Variants in SH2D4B observed in about 807,000 individuals in gnomAD.
SH2D4B encodes SH2 domain containing 4B.
SH2D4B carries 45 observed loss-of-function variants against 61.5 expected under a neutral mutation model. The observed-to-expected ratio is 0.73, with a 90% confidence interval of 0.58 to 0.94. The LOEUF (loss-of-function observed/expected upper bound fraction) is 0.94, where lower values mean the gene tolerates loss of function less well. Among genes scored for constraint, SH2D4B ranks in the 40% least tolerant of loss-of-function variants. The pLI is 0.00. For missense variants in SH2D4B, 572 were observed against 574.2 expected, an observed-to-expected ratio of 1.00 and a Z score of 0.04; for synonymous variants, 224 against 220.4, an observed-to-expected ratio of 1.02 and a Z score of -0.14.
chr10:80,602,469 T>A lies in SH2D4B; in HGVS notation c.644-1110T>A, dbSNP rs531529873. Among the ~76,000 whole-genome samples, 12 of 152,054 alleles carry A rather than the reference T, an allele frequency of 7.9e-5. No homozygotes were observed. In the East Asian group the frequency reaches 2.1e-3, roughly 27 times the overall value. ...CAGAGTGAGACCTTATCTCAAAAAA[T>A]GAATATATACACATCTATTAATATA... On this transcript the variant is annotated intron_variant, in intron 4 of 7. Transcript: ENST00000646907.
In SH2D4B at chr10:80,538,423, T is replaced by C. The variant is rs1260935569; in HGVS notation, c.92T>C (p.Met31Thr). Residue 31 changes from methionine to threonine, a missense_variant, in exon 1 of 8, where the codon ATG becomes ACG. Transcript: ENST00000646907. The surrounding 1 kb of genome is among the most constrained non-coding windows in gnomAD (Gnocchi z 4.8). The stretch of plus-strand genomic sequence containing the variant: ...CAGAAGCACATCCTCTTCTACAAAA[T>C]GCGGGAGGAGCAGCTGAGGCGCTGG... ...DVQKHILFYKMREEQLRRWKE... is the reference protein window; with the variant it reads ...DVQKHILFYKTREEQLRRWKE... 33 of 1,494,258 alleles carry C rather than the reference T, an allele frequency of 2.2e-5. No homozygotes were observed. Among genetic ancestry groups the C allele is most frequent in the Non-Finnish European group, 2.9e-5 (32 of 1,119,792 alleles). 92.6% of individuals were successfully genotyped at this position (1,494,258 alleles called of 1,614,324 possible).
chr10:80,600,150 A>G (rs1589351561), intron 4 of SH2D4B, among the ~76,000 whole-genome samples: 1 of 152,224 alleles, frequency 6.6e-6, no homozygotes, highest in South Asian at 2.1e-4. Flanking sequence ...GAAGGTGTAG[A>G]TAAGGTAATT....
At chr10:80,636,511 C>T (rs1840171145) in intron 7 of SH2D4B, among the ~76,000 whole-genome samples, 1 of 152,208 alleles carries the variant, frequency 6.6e-6, no homozygotes, top group Non-Finnish European at 1.5e-5. Context: ...GAGATGGTAT[C>T]TCATTGTGGT....
chr10:80,608,924 G>C (rs1414944671), intron 5 of SH2D4B, among the ~76,000 whole-genome samples: 12 of 152,140 alleles, frequency 7.9e-5, no homozygotes. Flanking sequence ...AGGGCGGGGA[G>C]GGAGAGCTAA....
chr10:80,544,362 C>T (rs1043354447), intron 1 of SH2D4B, among the ~76,000 whole-genome samples: 15 of 152,182 alleles, frequency 9.9e-5, no homozygotes, highest in African/African-American at 2.2e-4. Flanking sequence ...GAACAAACTC[C>T]GGATACACCG....
At position 80,556,029 on chromosome 10, in the gene SH2D4B, G is replaced by A. The variant is rs77743689; in HGVS notation, c.185-14125G>A. Among the ~76,000 whole-genome samples, 1,064 of 152,270 alleles carry A rather than the reference G, an allele frequency of 7.0e-3. 11 individuals are homozygous for A. The highest frequency in any genetic ancestry group is 0.025 in the African/African-American group (1,028 of 41,554). ...TTTCCAGCATTGTTAAGTGGAAAGT[G>A]CCTTTTTATTTGCAGGGAAATCTGA... On this transcript the variant is annotated intron_variant, in intron 1 of 7. Transcript: ENST00000646907.
intron 6 of SH2D4B, among the ~76,000 whole-genome samples, chr10:80,621,916 T>C (rs1842720188): frequency 6.6e-6 from 1 of 152,098 alleles, no homozygotes; most frequent in South Asian, 2.1e-4. Flanking sequence ...AGAGATGGGG[T>C]TTCACCATGT....
chr10:80,574,261 C>T (rs532901434), intron 3 of SH2D4B, among the ~76,000 whole-genome samples: 9 of 152,296 alleles, frequency 5.9e-5, no homozygotes, highest in Non-Finnish European at 1.3e-4. Flanking sequence ...CTCAGCCTCC[C>T]AAGTAGCTGG....
chr10:80,638,913 G>A (rs1215377529), intron 7 of SH2D4B, among the ~76,000 whole-genome samples: 1 of 152,158 alleles, frequency 6.6e-6, no homozygotes, highest in Non-Finnish European at 1.5e-5. Context: ...GCTTTCTCTT[G>A]TGGGCATTTA....
At chr10:80,576,669 C>A (rs147415622) in intron 3 of SH2D4B, among the ~76,000 whole-genome samples, 2 of 152,246 alleles carry the variant, frequency 1.3e-5, no homozygotes, top group East Asian at 1.9e-4. Context: ...TGCCCCTCCT[C>A]CCTTTGAGAG....
intron 1 of SH2D4B, among the ~76,000 whole-genome samples, chr10:80,561,646 A>C (rs1841903389): frequency 6.6e-6 from 1 of 152,174 alleles, no homozygotes; most frequent in South Asian, 2.1e-4. Flanking sequence ...GCTTCCTTTT[A>C]TGGTAACATG....
chr10:80,562,894 C>CTTTTTTTTTTTTT (rs34539206), intron 1 of SH2D4B, among the ~76,000 whole-genome samples: 4 of 74,696 alleles, frequency 5.4e-5, no homozygotes, highest in Admixed American at 2.0e-4. Flanking sequence ...AACATTTTTT[C>CTTTTTTTTTTTTT]TTTTTTTTTT....
At chr10:80,625,007 T>A (rs1049646446) in intron 6 of SH2D4B, among the ~76,000 whole-genome samples, 3 of 152,232 alleles carry the variant, frequency 2.0e-5, no homozygotes, top group African/African-American at 7.2e-5. Flanking sequence ...AACCTCTTTT[T>A]AACAGATATG....
intron 4 of SH2D4B, among the ~76,000 whole-genome samples, chr10:80,601,938 C>T (rs1391112124): frequency 1.3e-5 from 2 of 152,140 alleles, no homozygotes; most frequent in Non-Finnish European, 1.5e-5. Flanking sequence ...AGAACAAGGC[C>T]AGCAAGAGGT....
chr10:80,546,381 G>C (rs1251484081), intron 1 of SH2D4B, among the ~76,000 whole-genome samples: 1 of 151,876 alleles, frequency 6.6e-6, no homozygotes, highest in East Asian at 1.9e-4. Flanking sequence ...TTTAGGATTT[G>C]AACTTGGGTT....
intron 2 of SH2D4B, among the ~76,000 whole-genome samples, chr10:80,570,862 T>A (rs904582816): frequency 1.3e-5 from 2 of 151,974 alleles, no homozygotes; most frequent in Non-Finnish European, 2.9e-5. Context: ...ACTTATGAAT[T>A]TATTTATTTA....
intron 3 of SH2D4B, among the ~76,000 whole-genome samples, chr10:80,572,745 G>A (rs1370252813): frequency 1.3e-5 from 2 of 150,320 alleles, no homozygotes; most frequent in Admixed American, 6.6e-5. Context: ...TCAGCCTCCC[G>A]AGTAACTGGG....
chr10:80,629,556 A>AGT (rs200360306), intron 6 of SH2D4B, among the ~76,000 whole-genome samples: 4 of 152,208 alleles, frequency 2.6e-5, no homozygotes, highest in South Asian at 4.2e-4. Flanking sequence ...GAGAGAATTG[A>AGT]GTGTGTGTGT....
chr10:80,538,633 C>T lies in SH2D4B; in HGVS notation c.184+118C>T, dbSNP rs1043785529. 3.5e-6 allele frequency: 3 copies of T among 849,670 alleles called. No individual in the cohort carries two copies. The highest frequency in any genetic ancestry group is 4.8e-6 in the Non-Finnish European group (3 of 620,870). 52.6% of individuals were successfully genotyped at this position (849,670 alleles called of 1,614,324 possible). A position where few individuals can be genotyped will look rare whatever the true frequency, so the allele number is the denominator to read the frequency against. On this transcript the variant is annotated intron_variant, in intron 1 of 7. Transcript: ENST00000646907. The surrounding 1 kb of genome is among the most constrained non-coding windows in gnomAD (Gnocchi z 4.8). ...GCACTGGGGTGATGAGGGCTGGGGG[C>T]TTGAAACCCTTGTCTTGTGGGCATC...
Sources: gnomAD v4.1 joint callset for allele counts (sites outside exome capture counted in the v4.1 genomes callset) on GRCh38, gnomAD v4.1.1 for gene constraint, Gnocchi (gnomAD v3.1) non-coding constraint, MANE v1.5 for transcripts, NCBI Gene and HGNC (gene_info 2026-07-23, HGNC 2026-07-21) for gene names.